The following WFDC1 variants were observed in gnomAD, a reference collection of about 807,000 sequenced individuals.
The protein encoded by WFDC1 is WAP four-disulfide core domain 1.
WFDC1 carries 39 observed loss-of-function variants against 32.9 expected under a neutral mutation model. That is an observed-to-expected ratio of 1.19 (90% CI 0.92 to 1.55). The LOEUF (loss-of-function observed/expected upper bound fraction) is 1.55, where lower values mean the gene tolerates loss of function less well. Among genes scored for constraint, WFDC1 ranks in the 40% most tolerant of loss-of-function variants. The pLI is 0.00. For synonymous variants in WFDC1, 184 were observed against 137.4 expected (o/e 1.34, Z -2.37); for missense variants, 386 against 309.5 (o/e 1.25, Z -1.85).
intron 3 of WFDC1, chr16:84,318,765 C>A (rs1026424138): frequency 4.0e-5 from 9 of 225,242 alleles, no homozygotes; most frequent in Non-Finnish European, 8.2e-5. Context: ...GGCCTGGAGG[C>A]CTAGGAGGTG....
intron 2 of WFDC1, 140 bp from the exon 3 acceptor site, chr16:84,318,132 G>C: frequency 4.0e-6 from 3 of 746,698 alleles, no homozygotes. Context: ...AGCAAAGGGT[G>C]AAGGTGTGCC....
chr16:84,326,623 A>G (rs533258030), intron 5 of WFDC1: 1 of 458,802 alleles, frequency 2.2e-6, no homozygotes, highest in African/African-American at 1.9e-5. Flanking sequence ...CAATTTGGCC[A>G]TCCCCAAAGC....
intron 1 of WFDC1, 137 bp from the exon 2 acceptor site, chr16:84,312,824 G>A (rs1907712698): frequency 2.5e-6 from 1 of 396,124 alleles, no homozygotes; most frequent in Non-Finnish European, 3.7e-6. Flanking sequence ...GGCTGGCTCT[G>A]CCTGCTTGCT....
intron 4 of WFDC1, among the ~76,000 whole-genome samples, chr16:84,323,583 T>C (rs1433027265): frequency 6.6e-6 from 1 of 152,254 alleles, no homozygotes; most frequent in African/African-American, 2.4e-5. Context: ...TGAAATTGTT[T>C]CTTTTAATCC....
intron 4 of WFDC1, among the ~76,000 whole-genome samples, chr16:84,320,117 T>C (rs2151378705): frequency 6.6e-6 from 1 of 152,312 alleles, no homozygotes; most frequent in South Asian, 2.1e-4. Flanking sequence ...AACCATTCTG[T>C]TTTTCACTTT....
At position 84,294,951 on chromosome 16, in the gene WFDC1, A is replaced by G. The variant is rs1444754678; in HGVS notation, c.-21A>G. The G allele has an allele frequency of 1.2e-6, 2 of 1,605,812 alleles. No individual in the cohort carries two copies. Among genetic ancestry groups the G allele is most frequent in the African/African-American group, 2.7e-5 (2 of 74,802 alleles). On this transcript the variant is annotated 5_prime_UTR_variant, in exon 1 of 7. Coordinates refer to ENST00000219454, the MANE Select transcript of WFDC1 (RefSeq NM_021197.4). ...GGCCCCTCTTCTGTGTGCGTCTGGA[A>G]GGTCGCTGCCCAGGGAGGAAATGCC...
At chr16:84,318,218 G>A in intron 2 of WFDC1, 54 bp from the exon 3 acceptor site, 1 of 1,583,054 alleles carries the variant, frequency 6.3e-7, no homozygotes, top group Non-Finnish European at 8.7e-7. Flanking sequence ...CCCCAAGCCT[G>A]GGCGTTTCTC....
chr16:84,302,066 C>T lies in WFDC1; in HGVS notation c.144+6951C>T, dbSNP rs114217926. On this transcript the variant is annotated intron_variant, in intron 1 of 6. Coordinates refer to ENST00000219454, the MANE Select transcript of WFDC1 (RefSeq NM_021197.4). ...TAGAAAGGTACGGAGCCTGGACACA[C>T]GCCATTGCACAGATGAACCTCGAAG... Among the ~76,000 whole-genome samples the T allele has an allele frequency of 2.1e-3, 322 of 152,292 alleles. 1 individual carries two copies. The highest frequency in any genetic ancestry group is 7.3e-3 in the African/African-American group (303 of 41,564).
chr16:84,327,001 A>T, intron 6 of WFDC1, 46 bp downstream of exon 6: 1 of 1,594,460 alleles, frequency 6.3e-7, no homozygotes, highest in Non-Finnish European at 8.6e-7. Flanking sequence ...AAATGTGGGC[A>T]GCCAGTGTCC....
chr16:84,295,348 A>T, intron 1 of WFDC1: 1 of 527,842 alleles, frequency 1.9e-6, no homozygotes, highest in Non-Finnish European at 3.2e-6. Flanking sequence ...CAAATGTGCC[A>T]AAGAATCGTG....
chr16:84,313,981 G>T (rs1186859625), intron 2 of WFDC1, among the ~76,000 whole-genome samples: 1 of 152,112 alleles, frequency 6.6e-6, no homozygotes, highest in Non-Finnish European at 1.5e-5. Context: ...GGTGGAGCTT[G>T]CAGTGAGCCA....
At chr16:84,317,593 T>G (rs1908037658) in intron 2 of WFDC1, 1 of 152,216 alleles carries the variant, frequency 6.6e-6, no homozygotes. Flanking sequence ...GGTATATTGG[T>G]TATACCTGGG....
intron 1 of WFDC1, among the ~76,000 whole-genome samples, chr16:84,306,769 T>TTCATCATCATCA (rs56850546): frequency 2.2e-3 from 333 of 151,488 alleles, no homozygotes; most frequent in African/African-American, 6.4e-3. Flanking sequence ...CATCCTCATC[T>TTCATCATCATCA]TCATCATCAT....
chr16:84,321,183 C>T (rs1908284158), intron 4 of WFDC1, among the ~76,000 whole-genome samples: 1 of 152,254 alleles, frequency 6.6e-6, no homozygotes, highest in Non-Finnish European at 1.5e-5. Context: ...CCTTTTCAGG[C>T]CTCATTTGCC....
In WFDC1 at chr16:84,326,972, C is replaced by G. The variant is rs951716984; in HGVS notation, c.*15+17C>G. ...GGCAAGCAGGTGAGTGGGCAGAGAG[C>G]AAGAGTCATGGCCAGGGTAAATGTG... is the stretch of plus-strand genomic sequence containing the variant. On this transcript the variant is annotated intron_variant, in intron 6 of 6. Transcript: ENST00000219454. 28 of 1,613,184 alleles carry G rather than the reference C, an allele frequency of 1.7e-5. No homozygotes were observed. Among genetic ancestry groups the G allele is most frequent in the Admixed American group, 8.3e-5 (5 of 59,992 alleles).
At chr16:84,318,561 A>G in intron 3 of WFDC1, 1 of 543,772 alleles carries the variant, frequency 1.8e-6, no homozygotes, top group Non-Finnish European at 3.3e-6. Context: ...AGTACAGAAT[A>G]AGGGCTTCGA....
chr16:84,307,502 C>T (rs1395151239), intron 1 of WFDC1, among the ~76,000 whole-genome samples: 1 of 152,090 alleles, frequency 6.6e-6, no homozygotes, highest in Non-Finnish European at 1.5e-5. Context: ...TGAGAAATGA[C>T]ATTTGAATTT....
chr16:84,317,750 C>G (rs78354785), intron 2 of WFDC1: 4,569 of 158,794 alleles, frequency 0.029, 101 homozygotes, highest in Admixed American at 0.069. Flanking sequence ...TATGCTGCTG[C>G]AACAAAAAGA....
chr16:84,298,950 C>T (rs903094921), intron 1 of WFDC1, among the ~76,000 whole-genome samples: 2 of 152,296 alleles, frequency 1.3e-5, no homozygotes, highest in African/African-American at 2.4e-5. Flanking sequence ...CAGCACGGGA[C>T]ACAGTAGTGC....
Sources: gnomAD v4.1 joint callset for allele counts (sites outside exome capture counted in the v4.1 genomes callset) on GRCh38, gnomAD v4.1.1 for gene constraint, MANE v1.5 for transcripts, NCBI Gene and HGNC (gene_info 2026-07-23, HGNC 2026-07-21) for gene names.